The following AGO4 variants were observed in gnomAD, a reference collection of about 807,000 sequenced individuals.
AGO4 encodes the protein protein argonaute-4.
AGO4 carries 33 observed loss-of-function variants against 104.7 expected under a neutral mutation model. That is an observed-to-expected ratio of 0.32 (90% CI 0.24 to 0.42). The LOEUF (loss-of-function observed/expected upper bound fraction) is 0.42, where lower values mean the gene tolerates loss of function less well. Ranked by LOEUF, AGO4 falls within the 10% of genes least tolerant of loss-of-function variation. The probability of loss-of-function intolerance (pLI) is 1.00; values close to 1 mark genes in which losing one functional copy is unlikely to be tolerated. For synonymous variants in AGO4, 331 were observed against 364.7 expected (o/e 0.91, Z 1.05); for missense variants, 711 against 1,083.4 (o/e 0.66, Z 4.83).
At chr1:35,846,934 G>A (rs1399923677) in intron 15 of AGO4, among the ~76,000 whole-genome samples, 4 of 152,094 alleles carry the variant, frequency 2.6e-5, no homozygotes, top group Non-Finnish European at 5.9e-5. Flanking sequence ...TGTAGTCCCA[G>A]CTACTTAGGA....
chr1:35,816,953 T>C lies in AGO4; in HGVS notation c.91T>C (p.Leu31=). 6.2e-7 allele frequency: 1 copy of C among 1,614,104 alleles called. No homozygotes were observed. Among genetic ancestry groups the C allele is most frequent in the Admixed American group, 1.7e-5 (1 of 60,014 alleles). Residue 31 remains leucine (L), a synonymous_variant, in exon 2 of 18, where the codon TTA becomes CTA. Transcript: ENST00000373210. ...AACTGTTGGAAAACCAATTCGACTG[T>C]TAGCCAATCATTTTCAGGTTCAGAT... ...LGTVGKPIRL[L]ANHFQVQIPK...
At chr1:35,811,689 C>T (rs536575876) in intron 1 of AGO4, among the ~76,000 whole-genome samples, 1 of 152,092 alleles carries the variant, frequency 6.6e-6, no homozygotes, top group South Asian at 2.1e-4. Context: ...CTGCAGCCTC[C>T]ACCTCCCGGG....
At position 35,822,869 on chromosome 1, in the gene AGO4, G is replaced by T. The variant is rs905456762; in HGVS notation, c.193G>T (p.Val65Leu). 3 of 1,613,966 alleles carry T rather than the reference G, an allele frequency of 1.9e-6. No individual in the cohort carries two copies. The highest frequency in any genetic ancestry group is 2.7e-5 in the African/African-American group (2 of 74,924). Residue 65 changes from valine (V) to leucine (L), a missense_variant, in exon 3 of 18, where the codon GTA (valine) becomes TTA (leucine). Val to Leu is a conservative substitution (Grantham distance 32). This residue lies in a region of AGO4 where 308 missense variants were observed against 397.8 expected (regional missense o/e 0.77). Transcript: ENST00000373210. ...ATCTCCATTACTGTGAAGGGAGGTA[G>T]TAGATACAATGGTGCGGCACTTCAA... is the stretch of plus-strand genomic sequence containing the variant. ...KRPRRVNREVVDTMVRHFKMQ... is the reference protein window; with the variant it reads ...KRPRRVNREVLDTMVRHFKMQ...
intron 11 of AGO4, 120 bp from the exon 12 acceptor site, chr1:35,833,870 T>C: frequency 1.2e-6 from 1 of 865,682 alleles, no homozygotes; most frequent in Non-Finnish European, 1.6e-6. Context: ...TTTATTTGTT[T>C]ACTTGTTTCT....
chr1:35,823,252 ATT>A (rs1175171016), intron 3 of AGO4, among the ~76,000 whole-genome samples: 23 of 141,566 alleles, frequency 1.6e-4, no homozygotes, highest in Middle Eastern at 3.6e-3. Flanking sequence ...ATTCTTAGAA[ATT>A]TTTTTTTTTT....
intron 2 of AGO4, among the ~76,000 whole-genome samples, chr1:35,819,602 GTGTGCC>G (rs1643840910): frequency 6.6e-6 from 1 of 151,752 alleles, no homozygotes; most frequent in Non-Finnish European, 1.5e-5. Context: ...GTATGGTGGT[GTGTGCC>G]TGTAGTCCCA....
At chr1:35,816,606 C>T (rs1249055053) in intron 1 of AGO4, among the ~76,000 whole-genome samples, 2 of 151,978 alleles carry the variant, frequency 1.3e-5, no homozygotes, top group East Asian at 1.9e-4. Flanking sequence ...CTAGACCAGC[C>T]TGGCCAATGT....
At chr1:35,844,009 G>C (rs1644509083) in intron 15 of AGO4, among the ~76,000 whole-genome samples, 1 of 152,074 alleles carries the variant, frequency 6.6e-6, no homozygotes, top group African/African-American at 2.4e-5. Context: ...CTACTCTTAG[G>C]CTGATAGAAA....
Position 35,841,507 on chromosome 1 carries a change from CG to C in AGO4, c.2040+31del, listed in dbSNP as rs769754795. 3 of 1,608,760 alleles carry C rather than the reference CG, an allele frequency of 1.9e-6. No homozygotes were observed. The highest frequency in any genetic ancestry group is 2.6e-6 in the Non-Finnish European group (3 of 1,175,932). On this transcript the variant is annotated intron_variant, in intron 14 of 17. Transcript: ENST00000373210. The surrounding 1 kb of genome is among the most constrained non-coding windows in gnomAD (Gnocchi z 4.7). ...TACTCTCATTATCCCTGTTGCCCTT[CG>C]GGGCCCCTAGGAGTCTGAGGGAGAT...
At chr1:35,837,496 C>T (rs558969919) in intron 13 of AGO4, among the ~76,000 whole-genome samples, 2 of 152,174 alleles carry the variant, frequency 1.3e-5, no homozygotes, top group South Asian at 4.1e-4. Context: ...CCTCCCACCT[C>T]AGCCTCCCAA....
At chr1:35,852,346 A>G (rs1236975471) in intron 17 of AGO4, among the ~76,000 whole-genome samples, 4 of 152,212 alleles carry the variant, frequency 2.6e-5, no homozygotes, top group African/African-American at 9.7e-5. Context: ...AGAAAGTCAG[A>G]AGAGGGATGG....
chr1:35,846,642 G>A (rs895500720), intron 15 of AGO4, among the ~76,000 whole-genome samples: 4 of 150,388 alleles, frequency 2.7e-5, no homozygotes, highest in Admixed American at 6.6e-5. Flanking sequence ...TAGGGACAGG[G>A]TCTAAGTTTG....
At chr1:35,837,644 T>C (rs1453135822) in intron 13 of AGO4, among the ~76,000 whole-genome samples, 1 of 151,940 alleles carries the variant, frequency 6.6e-6, no homozygotes, top group African/African-American at 2.4e-5. Flanking sequence ...CCTCCCGAAG[T>C]GCTGGGATTA....
At chr1:35,814,555 G>A (rs370620057) in intron 1 of AGO4, among the ~76,000 whole-genome samples, 29 of 150,704 alleles carry the variant, frequency 1.9e-4, no homozygotes, top group African/African-American at 6.8e-4. Context: ...AACATGCGGT[G>A]TTTATAAGAG....
At chr1:35,828,745 C>T (rs1398116239) in intron 7 of AGO4, among the ~76,000 whole-genome samples, 6 of 151,752 alleles carry the variant, frequency 4.0e-5, no homozygotes. Flanking sequence ...GATCTTGAAC[C>T]CCTGACCTCA....
chr1:35,824,702 A>G (rs1187523306), intron 3 of AGO4, among the ~76,000 whole-genome samples: 2 of 152,084 alleles, frequency 1.3e-5, no homozygotes, highest in Non-Finnish European at 2.9e-5. Context: ...TTGGGAGGCT[A>G]AAGTGGGAGG....
chr1:35,832,215 C>T, intron 10 of AGO4, 30 bp downstream of exon 10: 1 of 1,605,432 alleles, frequency 6.2e-7, no homozygotes, highest in Admixed American at 1.7e-5. Flanking sequence ...CAGCAAGCTT[C>T]TTCCACAACC....
intron 3 of AGO4, among the ~76,000 whole-genome samples, chr1:35,825,010 A>G (rs928659978): frequency 4.6e-5 from 7 of 152,188 alleles, no homozygotes; most frequent in Admixed American, 2.6e-4. Flanking sequence ...TGACTATTCA[A>G]TGTACTTCAT....
chr1:35,834,377 G>A (rs373976843), intron 12 of AGO4, among the ~76,000 whole-genome samples: 2 of 152,316 alleles, frequency 1.3e-5, no homozygotes, highest in East Asian at 3.9e-4. Flanking sequence ...TCCATTTGGG[G>A]ACCCAGCTTG....
Sources: gnomAD v4.1 joint callset for allele counts (sites outside exome capture counted in the v4.1 genomes callset) on GRCh38, gnomAD v4.1.1 for gene constraint, gnomAD v4.1.1 regional missense constraint, Gnocchi (gnomAD v3.1) non-coding constraint, MANE v1.5 for transcripts, NCBI Gene and HGNC (gene_info 2026-07-23, HGNC 2026-07-21) for gene names.